The following LRP5 variants were observed in gnomAD, a reference collection of about 807,000 sequenced individuals.
LRP5 encodes the protein low-density lipoprotein receptor-related protein 5.
In LRP5, 62 loss-of-function variants were observed where a neutral mutation model predicts 154.1. The ratio of observed to expected loss-of-function variants is 0.40; its 90% CI spans 0.33 to 0.50. LRP5 has a LOEUF of 0.50. LRP5 is among the 20% of genes least tolerant of loss of function. The probability of loss-of-function intolerance (pLI) is 0.55; values close to 1 mark genes in which losing one functional copy is unlikely to be tolerated. For missense variants in LRP5, 1,915 were observed against 2,336.7 expected, an observed-to-expected ratio of 0.82 and a Z score of 3.72; for synonymous variants, 966 against 1,011.5, an observed-to-expected ratio of 0.96 and a Z score of 0.85.
At chr11:68,422,055 A>G (rs1010878819) in intron 13 of LRP5, among the ~76,000 whole-genome samples, 1 of 151,888 alleles carries the variant, frequency 6.6e-6, no homozygotes, top group African/African-American at 2.4e-5. Context: ...AGCCTTCTGA[A>G]TAGCTGGGAC....
intron 1 of LRP5, among the ~76,000 whole-genome samples, chr11:68,329,763 C>T (rs993078409): frequency 2.0e-5 from 3 of 152,188 alleles, no homozygotes; most frequent in African/African-American, 4.8e-5. Flanking sequence ...CGGCCATCAG[C>T]GCCCCACTGA....
At chr11:68,374,900 T>A (rs2098636498) in intron 5 of LRP5, among the ~76,000 whole-genome samples, 1 of 152,330 alleles carries the variant, frequency 6.6e-6, no homozygotes, top group African/African-American at 2.4e-5. Flanking sequence ...ATCTCTGGGA[T>A]GGGTGAATGC....
Position 68,439,852 on chromosome 11 carries a change from G to A in LRP5, c.4424G>A (p.Arg1475Gln), listed in dbSNP as rs755077399. 8 of 1,608,118 alleles carry A rather than the reference G, an allele frequency of 5.0e-6. No individual in the cohort carries two copies. Among genetic ancestry groups the A allele is most frequent in the South Asian group, 2.2e-5 (2 of 89,912 alleles). ...CGGGGCGGGGTGCCCCTCTACGACCGGAACCACGTCACAGGGGCCTCGTCC... is the reference window on the plus strand; with the variant it reads ...CGGGGCGGGGTGCCCCTCTACGACCAGAACCACGTCACAGGGGCCTCGTCC... ...GGRGGVPLYD[R>Q]NHVTGASSSS... Residue 1475 changes from arginine (R) to glutamine (Q), a missense_variant, in exon 21 of 23, where the codon CGG becomes CAG. By Grantham distance (43) the Arg-to-Gln change is conservative. This residue lies in a region of LRP5 where 1,094 missense variants were observed against 1,210.1 expected (regional missense o/e 0.90). Coordinates refer to ENST00000294304, the MANE Select transcript of LRP5 (RefSeq NM_002335.4).
chr11:68,374,163 T>G (rs1487885798), intron 5 of LRP5, among the ~76,000 whole-genome samples: 4 of 152,218 alleles, frequency 2.6e-5, no homozygotes, highest in South Asian at 4.1e-4. Flanking sequence ...AGGGGGCCAC[T>G]GTCGAGTCTG....
intron 13 of LRP5, among the ~76,000 whole-genome samples, chr11:68,420,817 C>T (rs1012608401): frequency 1.1e-4 from 17 of 152,148 alleles, no homozygotes; most frequent in South Asian, 2.1e-4. Flanking sequence ...CCACTATGAA[C>T]ATTTCCTTCC....
chr11:68,405,967 G>A (rs1467644357), intron 8 of LRP5, among the ~76,000 whole-genome samples: 5 of 152,244 alleles, frequency 3.3e-5, no homozygotes, highest in Non-Finnish European at 7.3e-5. Flanking sequence ...TCGCAGGCCC[G>A]GAGGCTGGAC....
At chr11:68,360,768 C>T (rs1417473613) in intron 3 of LRP5, among the ~76,000 whole-genome samples, 2 of 152,068 alleles carry the variant, frequency 1.3e-5, no homozygotes, top group Non-Finnish European at 2.9e-5. Context: ...GAGGCCGAGG[C>T]GGGCGGATTA....
intron 7 of LRP5, among the ~76,000 whole-genome samples, chr11:68,396,333 G>A (rs1015615384): frequency 1.1e-4 from 16 of 152,186 alleles, no homozygotes; most frequent in South Asian, 4.1e-4. Flanking sequence ...GTGTTTTGCC[G>A]CTCACCTTTG....
At chr11:68,440,675 TGGG>T (rs2098677706) in intron 21 of LRP5, among the ~76,000 whole-genome samples, 1 of 152,206 alleles carries the variant, frequency 6.6e-6, no homozygotes, top group Non-Finnish European at 1.5e-5. Flanking sequence ...CTGCTTCCTC[TGGG>T]GCCTCGCCAG....
chr11:68,357,571 T>A lies in LRP5; in HGVS notation c.489-79T>A. 6 of 1,330,510 alleles carry A rather than the reference T, an allele frequency of 4.5e-6. No homozygotes were observed. In the South Asian group the frequency reaches 7.5e-5, roughly 17 times the overall value. 82.4% of individuals were successfully genotyped at this position (1,330,510 alleles called of 1,614,324 possible). A position where few individuals can be genotyped will look rare whatever the true frequency, so the allele number is the denominator to read the frequency against. Reference sequence around the variant, plus strand: ...TTTAGGGCAAGTTCACTGTCTGTTGTTTCATGTCTGCATCTATGCAGACAA... The same window carrying A: ...TTTAGGGCAAGTTCACTGTCTGTTGATTCATGTCTGCATCTATGCAGACAA... On this transcript the variant is annotated intron_variant, in intron 2 of 22. Coordinates refer to ENST00000294304, the MANE Select transcript of LRP5 (RefSeq NM_002335.4).
chr11:68,425,442 T>A (rs2098668221), intron 15 of LRP5, 150 bp downstream of exon 15: 1 of 833,734 alleles, frequency 1.2e-6, no homozygotes, highest in South Asian at 1.7e-5. Context: ...CACTGACAGC[T>A]GTAGGCTGGG....
upstream of LRP5, among the ~76,000 whole-genome samples, chr11:68,309,941 C>G (rs1419593438): frequency 6.6e-6 from 1 of 152,216 alleles, no homozygotes; most frequent in African/African-American, 2.4e-5. Context: ...CAGATCCTTT[C>G]ACTGTATTTG....
At chr11:68,355,991 C>T (rs1214227059) in intron 2 of LRP5, among the ~76,000 whole-genome samples, 1 of 152,062 alleles carries the variant, frequency 6.6e-6, no homozygotes, top group African/African-American at 2.4e-5. Context: ...AGGTGTCCGC[C>T]ACCATGCCCG....
rs754686025 is a variant in LRP5 at position 68,433,667 on chromosome 11, G to T, written c.3829G>T (p.Ala1277Ser). The T allele has an allele frequency of 3.5e-5, 56 of 1,613,308 alleles. No individual in the cohort carries two copies. Among genetic ancestry groups the T allele is most frequent in the Non-Finnish European group, 4.4e-5 (52 of 1,180,004 alleles). The stretch of plus-strand genomic sequence containing the variant: ...AGGGGAGATCGACTGTATCCCCGGG[G>T]CCTGGCGCTGTGACGGCTTTCCCGA... The part of the protein sequence containing the change: ...ATGEIDCIPG[A>S]WRCDGFPECD... Residue 1277 changes from alanine to serine, a missense_variant, in exon 18 of 23, where the codon GCC becomes TCC. Coordinates refer to ENST00000294304, the MANE Select transcript of LRP5 (RefSeq NM_002335.4).
At chr11:68,409,071 A>ATATATATATATATATATAT (rs1324458424) in intron 9 of LRP5, among the ~76,000 whole-genome samples, 24 of 52,582 alleles carry the variant, frequency 4.6e-4, no homozygotes, top group African/African-American at 2.5e-3. Flanking sequence ...AAAAAAAAAA[A>ATATATATATATATATATAT]AAATATATAT....
intron 1 of LRP5, among the ~76,000 whole-genome samples, chr11:68,337,669 G>A (rs1039291448): frequency 1.3e-4 from 20 of 150,634 alleles, no homozygotes; most frequent in African/African-American, 3.9e-4. Context: ...ACCCACAGCC[G>A]TGTCTTCTTC....
intron 21 of LRP5, among the ~76,000 whole-genome samples, chr11:68,445,351 C>T (rs1216411329): frequency 4.6e-5 from 7 of 152,164 alleles, no homozygotes; most frequent in African/African-American, 7.2e-5. Flanking sequence ...CCGCCCGCCT[C>T]GGCCTCCCAA....
At chr11:68,425,006 AG>A in intron 14 of LRP5, 95 bp from the exon 15 acceptor site, 1 of 1,069,052 alleles carries the variant, frequency 9.4e-7, no homozygotes, top group Non-Finnish European at 1.4e-6. Context: ...CCTGAGAGGC[AG>A]GGGCTTTCCA....
At chr11:68,406,959 A>AT (rs1310803238) in intron 9 of LRP5, 146 bp downstream of exon 9, 4 of 692,944 alleles carry the variant, frequency 5.8e-6, no homozygotes, top group South Asian at 3.8e-5. Context: ...GAGCAAGCCT[A>AT]TTTAAAAAAA....
Sources: allele counts gnomAD v4.1 joint callset (sites outside exome capture counted in the v4.1 genomes callset), GRCh38; gene constraint gnomAD v4.1.1; regional missense constraint gnomAD v4.1.1; transcripts MANE v1.5; gene names NCBI Gene and HGNC (gene_info 2026-07-23, HGNC 2026-07-21).